Variants in RFX2 observed in about 807,000 individuals in gnomAD.
The protein encoded by RFX2 is DNA-binding protein RFX2.
A neutral mutation model predicts 87.8 loss-of-function variants in RFX2; 20 were observed. That is an observed-to-expected ratio of 0.23 (90% CI 0.16 to 0.33). The LOEUF (loss-of-function observed/expected upper bound fraction) is 0.33. RFX2 is among the 10% of genes least tolerant of loss of function. The probability of loss-of-function intolerance (pLI) is 1.00; values close to 1 mark genes in which losing one functional copy is unlikely to be tolerated. For synonymous variants in RFX2, 397 were observed against 431.3 expected (o/e 0.92, Z 0.98); for missense variants, 767 against 1,012.3 (o/e 0.76, Z 3.29).
rs1183547264 is a variant in RFX2 at position 6,004,534 on chromosome 19, G to C, written c.1403-236C>G. On this transcript the variant is annotated intron_variant, in intron 12 of 17. Coordinates refer to ENST00000303657, the MANE Select transcript of RFX2 (RefSeq NM_000635.4). The surrounding 1 kb of genome is among the most constrained non-coding windows in gnomAD (Gnocchi z 4.8). The stretch of plus-strand genomic sequence containing the variant: ...TCTCACAGGGGCGATTCTGCCCCAG[G>C]GGACACTGGGCAATGTCTGGGGACG... Among the ~76,000 whole-genome samples, 1 of 152,218 alleles carries C rather than the reference G, an allele frequency of 6.6e-6. No individual in the cohort carries two copies. Among genetic ancestry groups the C allele is most frequent in the African/African-American group, 2.4e-5 (1 of 41,466 alleles).
chr19:6,042,643 C>G (rs901839892), intron 3 of RFX2, among the ~76,000 whole-genome samples: 5 of 152,218 alleles, frequency 3.3e-5, no homozygotes, highest in Non-Finnish European at 5.9e-5. Context: ...CCTGGTGCCC[C>G]TTCCCTGGCA....
intron 15 of RFX2, among the ~76,000 whole-genome samples, chr19:6,000,844 C>A (rs1599837550): frequency 1.3e-5 from 2 of 152,272 alleles, no homozygotes. Flanking sequence ...GGCCATAGCT[C>A]ATCCATGCGC....
chr19:6,010,074 G>T lies in RFX2; in HGVS notation c.1015+62C>A. 9.5e-7 allele frequency: 1 copy of T among 1,051,426 alleles called. No individual in the cohort carries two copies. The allele number at this position is 1,051,426 out of a possible 1,614,324, so 65.1% of individuals were successfully genotyped here. On this transcript the variant is annotated intron_variant, in intron 9 of 17. Coordinates refer to ENST00000303657, the MANE Select transcript of RFX2 (RefSeq NM_000635.4). This position sits in a 1 kb window ranked among gnomAD's most constrained non-coding sequence, Gnocchi z 5.0. ...AGACACCACTGGTTCTGCTGGTGTT[G>T]AAACCCAGGAGTGTGGCGAGCAGAT...
In RFX2 at chr19:6,022,741, C is replaced by A. The variant is rs139506940; in HGVS notation, c.597+3422G>T. Among the ~76,000 whole-genome samples, 548 of 152,358 alleles carry A rather than the reference C, an allele frequency of 3.6e-3. 2 individuals carry two copies. Among genetic ancestry groups the A allele is most frequent in the African/African-American group, 0.012 (502 of 41,592 alleles). ...GCCTCCTCCTCCCTGGGAGTTTCCA[C>A]GCCAGGCTGACCATCAGCTGGCTGG... is the stretch of plus-strand genomic sequence containing the variant. On this transcript the variant is annotated intron_variant, in intron 6 of 17. Transcript: ENST00000303657. This position sits in a 1 kb window ranked among gnomAD's most constrained non-coding sequence, Gnocchi z 6.2.
chr19:6,105,900 GCCACCTTA>G (rs1231911840), intron 1 of RFX2, among the ~76,000 whole-genome samples: 2 of 152,024 alleles, frequency 1.3e-5, no homozygotes, highest in Non-Finnish European at 2.9e-5. Flanking sequence ...GCTCAGCTTG[GCCACCTTA>G]AGTTTAAGGT....
At chr19:6,068,565 G>A (rs1391584441) in intron 1 of RFX2, 1 of 152,256 alleles carries the variant, frequency 6.6e-6, no homozygotes, top group Non-Finnish European at 1.5e-5. Context: ...TTCCCTGGGT[G>A]GGCTCATTAA....
At chr19:6,106,931 T>C (rs2088225692) in intron 1 of RFX2, among the ~76,000 whole-genome samples, 1 of 151,126 alleles carries the variant, frequency 6.6e-6, no homozygotes, top group Admixed American at 6.6e-5. Flanking sequence ...GAAACAAATA[T>C]ATATTATAAG....
rs775138496 is a variant in RFX2, at chr19:6,044,563, C to T, written c.91-281G>A. On this transcript the variant is annotated intron_variant, in intron 2 of 17. Transcript: ENST00000303657. This position sits in a 1 kb window ranked among gnomAD's most constrained non-coding sequence, Gnocchi z 5.3. Reference sequence around the variant, plus strand: ...CACACATATGCACGAATTGTGGGCACACACACACGTATGCACACACACATA... The same window carrying T: ...CACACATATGCACGAATTGTGGGCATACACACACGTATGCACACACACATA... Among the ~76,000 whole-genome samples the T allele has an allele frequency of 3.9e-5, 6 of 152,208 alleles. No homozygotes were observed. Among genetic ancestry groups the T allele is most frequent in the Non-Finnish European group, 5.9e-5 (4 of 68,030 alleles).
Position 6,013,231 on chromosome 19 carries a change from G to T in RFX2, c.780-126C>A. 1.0e-6 allele frequency: 1 copy of T among 999,836 alleles called. No individual in the cohort carries two copies. 61.9% of individuals were successfully genotyped at this position (999,836 alleles called of 1,614,324 possible). A position where few individuals can be genotyped will look rare whatever the true frequency, so the allele number is the denominator to read the frequency against. ...GACAGAATCTCATTCTGTCGCCCAGGCTGGAGTACAGCAGTGCCATCTCGG... is the reference window on the plus strand; with the variant it reads ...GACAGAATCTCATTCTGTCGCCCAGTCTGGAGTACAGCAGTGCCATCTCGG... On this transcript the variant is annotated intron_variant, in intron 7 of 17. Transcript: ENST00000303657. The surrounding 1 kb of genome is among the most constrained non-coding windows in gnomAD (Gnocchi z 4.1).
Position 6,021,157 on chromosome 19 carries a change from C to T in RFX2, c.598-4886G>A, listed in dbSNP as rs573000313. ...CTCCTGGTGGTGAGTTAGAGTCTCA[C>T]CGGGCCATACACTAGCAGCTCGGGC... is the stretch of plus-strand genomic sequence containing the variant. On this transcript the variant is annotated intron_variant, in intron 6 of 17. Coordinates refer to ENST00000303657, the MANE Select transcript of RFX2 (RefSeq NM_000635.4). The surrounding 1 kb of genome is among the most constrained non-coding windows in gnomAD (Gnocchi z 5.7). Among the ~76,000 whole-genome samples, 7 of 152,332 alleles carry T rather than the reference C, an allele frequency of 4.6e-5. No individual in the cohort carries two copies. The South Asian group carries it at 1.5e-3, about 32-fold the overall frequency.
rs1388615348 is a variant in RFX2 at position 6,021,036 on chromosome 19, C to A, written c.598-4765G>T. Among the ~76,000 whole-genome samples the A allele has an allele frequency of 4.6e-5, 7 of 152,204 alleles. No individual in the cohort carries two copies. In the East Asian group the frequency reaches 1.3e-3, roughly 29 times the overall value. ...CCCTGTGGACAGATATCCTCACCTG[C>A]CGGTGGGAAGGCAGGGATCATGCCC... On this transcript the variant is annotated intron_variant, in intron 6 of 17. Transcript: ENST00000303657. This position sits in a 1 kb window ranked among gnomAD's most constrained non-coding sequence, Gnocchi z 5.7.
At chr19:6,015,742 C>A (rs1442723725) in intron 7 of RFX2, among the ~76,000 whole-genome samples, 1 of 152,122 alleles carries the variant, frequency 6.6e-6, no homozygotes, top group Non-Finnish European at 1.5e-5. Context: ...CTCAAGTGAT[C>A]CTCTTGCCTC....
At chr19:6,079,068 G>A (rs532481736) in intron 1 of RFX2, among the ~76,000 whole-genome samples, 4 of 152,340 alleles carry the variant, frequency 2.6e-5, no homozygotes, top group East Asian at 3.9e-4. Context: ...GAGCCACGGC[G>A]CCCGGCCATT....
In RFX2 at chr19:6,097,948, T is replaced by C. The variant is rs543683510; in HGVS notation, c.-9+12445A>G. 7.5e-4 allele frequency among the ~76,000 whole-genome samples: 115 copies of C among 152,336 alleles called. No homozygotes were observed. The Middle Eastern group carries it at 0.02, about 27-fold the overall frequency. On this transcript the variant is annotated intron_variant, in intron 1 of 17. Coordinates refer to ENST00000303657, the MANE Select transcript of RFX2 (RefSeq NM_000635.4). The stretch of plus-strand genomic sequence containing the variant: ...ACTACTTTTAAAGTCTGGCTACTCC[T>C]TACTGAGGGCTGCTTTTTTTGCCCA...
chr19:6,062,621 C>CAAT, intron 1 of RFX2, among the ~76,000 whole-genome samples: 1 of 152,354 alleles, frequency 6.6e-6, no homozygotes, highest in Non-Finnish European at 1.5e-5. Context: ...AATAACAACA[C>CAAT]AAGCTTAGCT....
chr19:6,054,701 C>T (rs1381663230), intron 1 of RFX2, among the ~76,000 whole-genome samples: 1 of 152,166 alleles, frequency 6.6e-6, no homozygotes, highest in Non-Finnish European at 1.5e-5. Context: ...ACCTTGACCC[C>T]TACCTCACAC....
intron 1 of RFX2, among the ~76,000 whole-genome samples, chr19:6,082,147 T>C (rs1170032210): frequency 6.6e-6 from 1 of 151,832 alleles, no homozygotes; most frequent in Non-Finnish European, 1.5e-5. Context: ...CTGGGTGTGG[T>C]GGTGCACACC....
rs1171186705 is a variant in RFX2, at chr19:6,061,939, C to T, written c.-8-14435G>A. The stretch of plus-strand genomic sequence containing the variant: ...GGAGGATCCATTGAACCCAGGAGTT[C>T]GAGACCAGCCTGGGCAACATAGCGA... On this transcript the variant is annotated intron_variant, in intron 1 of 17. Transcript: ENST00000303657. The surrounding 1 kb of genome is among the most constrained non-coding windows in gnomAD (Gnocchi z 5.2). 1.3e-5 allele frequency among the ~76,000 whole-genome samples: 2 copies of T among 152,034 alleles called. No homozygotes were observed. Among genetic ancestry groups the T allele is most frequent in the African/African-American group, 4.8e-5 (2 of 41,366 alleles).
intron 1 of RFX2, among the ~76,000 whole-genome samples, chr19:6,091,234 G>A (rs1489600700): frequency 6.6e-6 from 1 of 152,182 alleles, no homozygotes; most frequent in African/African-American, 2.4e-5. Flanking sequence ...GCGCATGCCT[G>A]TAAACCCAGC....
Sources: gnomAD v4.1 joint callset for allele counts (sites outside exome capture counted in the v4.1 genomes callset) on GRCh38, gnomAD v4.1.1 for gene constraint, Gnocchi (gnomAD v3.1) non-coding constraint, MANE v1.5 for transcripts, NCBI Gene and HGNC (gene_info 2026-07-23, HGNC 2026-07-21) for gene names.